Variants in ARHGEF28 observed in about 807,000 individuals in gnomAD.
ARHGEF28 encodes 190 kDa guanine nucleotide exchange factor.
A neutral mutation model predicts 206.6 loss-of-function variants in ARHGEF28; 152 were observed. The observed-to-expected ratio is 0.74, with a 90% CI of 0.64 to 0.84. The LOEUF (loss-of-function observed/expected upper bound fraction) is 0.84. ARHGEF28 is among the 40% of genes least tolerant of loss of function. The probability of loss-of-function intolerance (pLI) is 0.00; values close to 1 mark genes in which losing one functional copy is unlikely to be tolerated. For missense variants in ARHGEF28, 2,028 were observed against 2,073.2 expected, an observed-to-expected ratio of 0.98 and a Z score of 0.42; for synonymous variants, 763 against 776.4, an observed-to-expected ratio of 0.98 and a Z score of 0.29.
At chr5:73,719,371 G>A (rs973582949) in intron 2 of ARHGEF28, among the ~76,000 whole-genome samples, 25 of 149,854 alleles carry the variant, frequency 1.7e-4, no homozygotes, top group Non-Finnish European at 3.0e-4. Context: ...AGATCACGCC[G>A]CTGCACTTCA....
chr5:73,654,529 G>A (rs1001964266), intron 1 of ARHGEF28, among the ~76,000 whole-genome samples: 9 of 152,162 alleles, frequency 5.9e-5, no homozygotes, highest in Non-Finnish European at 2.9e-5. Context: ...TGAAAGTGGG[G>A]GGACCAGTCA....
chr5:73,848,855 A>G, intron 12 of ARHGEF28, 121 bp from the exon 13 acceptor site: 1 of 708,608 alleles, frequency 1.4e-6, no homozygotes, highest in South Asian at 1.8e-5. Flanking sequence ...ATGAGATCAT[A>G]TCAGAAATGT....
chr5:73,698,388 G>T (rs1748353618), intron 2 of ARHGEF28, among the ~76,000 whole-genome samples: 1 of 151,966 alleles, frequency 6.6e-6, no homozygotes, highest in African/African-American at 2.4e-5. Context: ...TGTTGTTATT[G>T]TTGCTTTCCT....
chr5:73,831,806 G>A (rs930471076), intron 9 of ARHGEF28, among the ~76,000 whole-genome samples: 14 of 152,154 alleles, frequency 9.2e-5, no homozygotes, highest in African/African-American at 3.4e-4. Context: ...CTTCTCCTTT[G>A]TCAGCCTCCT....
chr5:73,694,421 C>T (rs957351180), intron 2 of ARHGEF28, among the ~76,000 whole-genome samples: 1 of 152,032 alleles, frequency 6.6e-6, no homozygotes, highest in African/African-American at 2.4e-5. Context: ...TGGTGTGCAG[C>T]CTGTATTTTT....
chr5:73,669,686 CTTT>C, intron 1 of ARHGEF28, among the ~76,000 whole-genome samples: 1 of 150,916 alleles, frequency 6.6e-6, no homozygotes, highest in South Asian at 2.1e-4. Flanking sequence ...CTAAGTTTTA[CTTT>C]ATTTATTTAT....
intron 29 of ARHGEF28, among the ~76,000 whole-genome samples, chr5:73,895,493 C>T (rs1007092878): frequency 1.3e-5 from 2 of 152,038 alleles, no homozygotes; most frequent in African/African-American, 4.8e-5. Context: ...AACCTGAGGG[C>T]AGCGGCTTCA....
chr5:73,924,938 G>A (rs1763718126), intron 35 of ARHGEF28, among the ~76,000 whole-genome samples: 1 of 152,162 alleles, frequency 6.6e-6, no homozygotes, highest in Non-Finnish European at 1.5e-5. Flanking sequence ...TAAACTCACT[G>A]CATGCGGCAT....
intron 1 of ARHGEF28, among the ~76,000 whole-genome samples, chr5:73,631,195 A>G (rs1439957749): frequency 6.6e-6 from 1 of 152,208 alleles, no homozygotes; most frequent in African/African-American, 2.4e-5. Context: ...AAGAAGTCTC[A>G]TGAAGGACTT....
At chr5:73,644,650 C>T (rs1744322691) in intron 1 of ARHGEF28, among the ~76,000 whole-genome samples, 1 of 152,188 alleles carries the variant, frequency 6.6e-6, no homozygotes, top group Admixed American at 6.5e-5. Flanking sequence ...GATTTTCTGC[C>T]TTTGCATTTA....
intron 1 of ARHGEF28, among the ~76,000 whole-genome samples, chr5:73,677,895 A>G (rs948663596): frequency 6.6e-6 from 1 of 152,252 alleles, no homozygotes; most frequent in Non-Finnish European, 1.5e-5. Flanking sequence ...GTAATTGCAG[A>G]TGAAGAACTC....
rs59149035 is a variant in ARHGEF28, at chr5:73,738,482, CGTGT to C, written c.34-11322_34-11319del. ...TAGCACTCTTATTTAAGAGTGGCCTCGTGTGTGTGTGTGTGTGTGTGTGTGTGTG... is the reference window on the plus strand; with the variant it reads ...TAGCACTCTTATTTAAGAGTGGCCTCGTGTGTGTGTGTGTGTGTGTGTGTG... On this transcript the variant is annotated intron_variant, in intron 2 of 35. Coordinates refer to ENST00000513042, the MANE Select transcript of ARHGEF28 (RefSeq NM_001177693.2). 7.7e-3 allele frequency among the ~76,000 whole-genome samples: 1,120 copies of C among 145,674 alleles called. 7 individuals carry two copies. The highest frequency in any genetic ancestry group is 0.02 in the East Asian group (97 of 4,810).
At chr5:73,793,890 G>A (rs1754634969) in intron 7 of ARHGEF28, among the ~76,000 whole-genome samples, 2 of 151,876 alleles carry the variant, frequency 1.3e-5, no homozygotes, top group South Asian at 2.1e-4. Context: ...CGGTGTGCCC[G>A]GGGCTGAGGT....
chr5:73,796,606 T>C (rs1754836191), intron 9 of ARHGEF28, among the ~76,000 whole-genome samples: 1 of 152,218 alleles, frequency 6.6e-6, no homozygotes, highest in Admixed American at 6.5e-5. Context: ...TGTTGGTTGA[T>C]GGTGTTGCTA....
intron 14 of ARHGEF28, 80 bp downstream of exon 14, chr5:73,852,772 G>T (rs773991275): frequency 1.2e-4 from 168 of 1,426,668 alleles, no homozygotes; most frequent in Non-Finnish European, 8.8e-5. Context: ...TTTGCTATCT[G>T]TTCACTAGTT....
intron 10 of ARHGEF28, among the ~76,000 whole-genome samples, chr5:73,840,102 C>A (rs961053518): frequency 6.6e-6 from 1 of 152,096 alleles, no homozygotes; most frequent in Non-Finnish European, 1.5e-5. Context: ...GCCATGTGAA[C>A]AAAAACATAT....
At chr5:73,927,719 C>A (rs186259653) in intron 35 of ARHGEF28, among the ~76,000 whole-genome samples, 57 of 152,296 alleles carry the variant, frequency 3.7e-4, no homozygotes, top group South Asian at 2.1e-3. Context: ...TTCTGTTTTA[C>A]AAACTGCCTA....
intron 26 of ARHGEF28, 103 bp downstream of exon 26, chr5:73,887,782 T>A: frequency 1.1e-6 from 1 of 939,252 alleles, no homozygotes; most frequent in Non-Finnish European, 1.5e-6. Flanking sequence ...CACAGGGAAG[T>A]ATATGCTTCT....
At chr5:73,773,409 G>A (rs1015600145) in intron 4 of ARHGEF28, among the ~76,000 whole-genome samples, 1 of 152,154 alleles carries the variant, frequency 6.6e-6, no homozygotes, top group Admixed American at 6.5e-5. Context: ...GCGGCTCTGA[G>A]GACAAAGGGT....
Sources: allele counts gnomAD v4.1 joint callset (sites outside exome capture counted in the v4.1 genomes callset), GRCh38; gene constraint gnomAD v4.1.1; transcripts MANE v1.5; gene names NCBI Gene and HGNC (gene_info 2026-07-23, HGNC 2026-07-21).